Variants in EYS observed in about 807,000 individuals in gnomAD.
EYS encodes EGF-like photoreceptor maintenance factor.
EYS carries 250 observed loss-of-function variants against 282.1 expected under a neutral mutation model. That is an observed-to-expected ratio of 0.89 (90% CI 0.80 to 0.98). The LOEUF (loss-of-function observed/expected upper bound fraction) is 0.98. Ranked by LOEUF, EYS falls within the 50% of genes least tolerant of loss-of-function variation. EYS has a pLI of 0.00. For synonymous variants in EYS, 1,355 were observed against 1,282.9 expected (o/e 1.06, Z -1.20); for missense variants, 4,016 against 3,709.0 (o/e 1.08, Z -2.15).
chr6:64,266,997 A>C (rs1408359417), intron 30 of EYS, among the ~76,000 whole-genome samples: 1 of 152,192 alleles, frequency 6.6e-6, no homozygotes, highest in African/African-American at 2.4e-5. Flanking sequence ...AGAAAATATG[A>C]AAACAGTCAC....
intron 31 of EYS, among the ~76,000 whole-genome samples, chr6:64,122,659 T>C (rs1256799351): frequency 6.6e-6 from 1 of 151,242 alleles, no homozygotes; most frequent in African/African-American, 2.5e-5. Flanking sequence ...ATCTCATTAA[T>C]ATGTTAAAAA....
At chr6:64,430,318 A>C (rs1028623245) in intron 28 of EYS, among the ~76,000 whole-genome samples, 1 of 152,186 alleles carries the variant, frequency 6.6e-6, no homozygotes, top group Admixed American at 6.5e-5. Context: ...ATGATGAAAC[A>C]ATTTTTCATT....
At chr6:65,273,726 G>T (rs189661323) in intron 12 of EYS, among the ~76,000 whole-genome samples, 2 of 152,268 alleles carry the variant, frequency 1.3e-5, no homozygotes, top group Middle Eastern at 3.4e-3. Context: ...TATGCTATAC[G>T]TTACGTGACA....
intron 26 of EYS, among the ~76,000 whole-genome samples, chr6:64,449,121 G>T (rs1398833073): frequency 6.6e-6 from 1 of 152,076 alleles, no homozygotes; most frequent in African/African-American, 2.4e-5. Flanking sequence ...AAAATTAGAC[G>T]AATGGATAAC....
intron 1 of EYS, among the ~76,000 whole-genome samples, chr6:65,647,893 A>G (rs1767508351): frequency 6.6e-6 from 1 of 152,204 alleles, no homozygotes; most frequent in Non-Finnish European, 1.5e-5. Context: ...CAATCCTCAA[A>G]AAAAGATATA....
chr6:65,232,469 C>G (rs1405934680), intron 12 of EYS, among the ~76,000 whole-genome samples: 1 of 152,008 alleles, frequency 6.6e-6, no homozygotes, highest in Non-Finnish European at 1.5e-5. Flanking sequence ...TTAACATGCT[C>G]TATAATAATA....
chr6:63,731,324 G>A (rs370977880), intron 41 of EYS, among the ~76,000 whole-genome samples: 1 of 151,956 alleles, frequency 6.6e-6, no homozygotes, highest in East Asian at 1.9e-4. Context: ...GTGAATATTG[G>A]CCATTTGTGT....
chr6:63,763,444 G>T (rs1160642302), intron 40 of EYS, among the ~76,000 whole-genome samples: 4 of 151,938 alleles, frequency 2.6e-5, no homozygotes, highest in Admixed American at 1.3e-4. Flanking sequence ...ATATGGTTTG[G>T]CTGTGTCCCC....
chr6:65,490,726 G>GT lies in EYS; in HGVS notation c.749-20dup, dbSNP rs751379141. The GT allele has an allele frequency of 1.1e-4, 159 of 1,475,660 alleles. No individual in the cohort carries two copies. Among genetic ancestry groups the GT allele is most frequent in the African/African-American group, 5.6e-4 (40 of 71,926 alleles). The allele number at this position is 1,475,660 out of a possible 1,614,324, so 91.4% of individuals were successfully genotyped here. A position where few individuals can be genotyped will look rare whatever the true frequency, so the allele number is the denominator to read the frequency against. ...TTCTTTCCTATAACAATGAAAAAAA[G>GT]TTTTTTTTACATTGGATATCAATAT... On this transcript the variant is annotated intron_variant, in intron 4 of 42. Coordinates refer to ENST00000503581, the MANE Select transcript of EYS (RefSeq NM_001142800.2).
intron 31 of EYS, among the ~76,000 whole-genome samples, chr6:64,168,255 C>T (rs1320501223): frequency 1.4e-5 from 2 of 146,840 alleles, no homozygotes; most frequent in African/African-American, 5.5e-5. Flanking sequence ...AGCGAAACTC[C>T]ATTTCAATAA....
intron 11 of EYS, among the ~76,000 whole-genome samples, chr6:65,319,218 A>AC (rs1769402055): frequency 6.8e-6 from 1 of 147,544 alleles, no homozygotes; most frequent in South Asian, 2.1e-4. Context: ...AAAAAAAAAA[A>AC]AAAAAAAAAC....
intron 19 of EYS, among the ~76,000 whole-genome samples, chr6:64,867,623 G>A (rs1394881444): frequency 6.6e-6 from 1 of 151,540 alleles, no homozygotes; most frequent in African/African-American, 2.4e-5. Flanking sequence ...ATCTTTGATG[G>A]CAGGAGTTAT....
At chr6:65,697,632 C>G (rs1769500887) in intron 1 of EYS, among the ~76,000 whole-genome samples, 1 of 152,038 alleles carries the variant, frequency 6.6e-6, no homozygotes, top group African/African-American at 2.4e-5. Context: ...TATGTTTTCA[C>G]TTTATGAATT....
At chr6:65,698,087 G>A (rs773082847) in intron 1 of EYS, among the ~76,000 whole-genome samples, 1 of 152,084 alleles carries the variant, frequency 6.6e-6, no homozygotes, top group African/African-American at 2.4e-5. Flanking sequence ...TAGGTCAGAC[G>A]CTGGGGGAAG....
At chr6:64,605,159 CA>C (rs1303707227) in intron 24 of EYS, among the ~76,000 whole-genome samples, 2 of 151,780 alleles carry the variant, frequency 1.3e-5, no homozygotes, top group Admixed American at 1.3e-4. Flanking sequence ...AGGTTACCCC[CA>C]AATTTTAAAT....
At chr6:63,844,404 G>T (rs1360631252) in intron 36 of EYS, among the ~76,000 whole-genome samples, 1 of 152,056 alleles carries the variant, frequency 6.6e-6, no homozygotes, top group East Asian at 1.9e-4. Context: ...TGGTATTTCT[G>T]CCTCTAAGTC....
chr6:64,921,271 A>G (rs1041966774), intron 15 of EYS, among the ~76,000 whole-genome samples: 3 of 152,192 alleles, frequency 2.0e-5, no homozygotes, highest in South Asian at 2.1e-4. Context: ...GAAAATGAAC[A>G]CTAACATATC....
intron 29 of EYS, among the ~76,000 whole-genome samples, chr6:64,375,345 C>A (rs556404724): frequency 3.9e-5 from 6 of 152,142 alleles, no homozygotes; most frequent in Admixed American, 3.3e-4. Context: ...TTTGCTATTG[C>A]TGCCATCAGA....
intron 26 of EYS, among the ~76,000 whole-genome samples, chr6:64,506,210 G>A (rs2093395405): frequency 6.6e-6 from 1 of 152,028 alleles, no homozygotes; most frequent in African/African-American, 2.4e-5. Flanking sequence ...CTGGTTATGG[G>A]ACATTGCATT....
Sources: gnomAD v4.1 joint callset for allele counts (sites outside exome capture counted in the v4.1 genomes callset) on GRCh38, gnomAD v4.1.1 for gene constraint, MANE v1.5 for transcripts, NCBI Gene and HGNC (gene_info 2026-07-23, HGNC 2026-07-21) for gene names.